KIF26B: variants seen among roughly 807,000 people sequenced by gnomAD.
KIF26B encodes kinesin-like protein KIF26B.
Under a neutral mutation model 151.2 loss-of-function variants are expected in KIF26B, and 63 were observed. The ratio of observed to expected loss-of-function variants is 0.42; its 90% CI spans 0.34 to 0.51. KIF26B has a LOEUF of 0.51. KIF26B is among the 20% of genes least tolerant of loss of function. The pLI is 0.07. For synonymous variants in KIF26B, 1,357 were observed against 1,262.1 expected (o/e 1.08, Z -1.59); for missense variants, 2,813 against 2,913.6 (o/e 0.97, Z 0.79).
chr1:245,258,632 C>T (rs1368074129), intron 2 of KIF26B, among the ~76,000 whole-genome samples: 1 of 152,164 alleles, frequency 6.6e-6, no homozygotes, highest in Non-Finnish European at 1.5e-5. Flanking sequence ...CTGCGTGGAG[C>T]TGTGGCGTCT....
At chr1:245,623,562 TC>T (rs1173421947) in intron 9 of KIF26B, among the ~76,000 whole-genome samples, 2 of 152,178 alleles carry the variant, frequency 1.3e-5, no homozygotes, top group African/African-American at 4.8e-5. Flanking sequence ...GCATCCCTAA[TC>T]TGAAAATTCG....
chr1:245,368,464 A>G (rs1158675092), intron 3 of KIF26B, among the ~76,000 whole-genome samples: 1 of 152,122 alleles, frequency 6.6e-6, no homozygotes, highest in East Asian at 1.9e-4. Context: ...TTACTCAGAG[A>G]AGATAGTTGG....
rs926263698 is a variant in KIF26B, at chr1:245,435,179, C to A, written c.1166+15434C>A. Among the ~76,000 whole-genome samples, 43 of 152,098 alleles carry A rather than the reference C, an allele frequency of 2.8e-4. 1 individual carries two copies. Among genetic ancestry groups the A allele is most frequent in the Non-Finnish European group, 4.4e-5 (3 of 68,018 alleles). On this transcript the variant is annotated intron_variant, in intron 4 of 14. Transcript: ENST00000407071. Reference sequence around the variant, plus strand: ...TCCATCCATCCATCCATCCACCCACCCAACCATCCAACAAGCATTTGGTAA... The same window carrying A: ...TCCATCCATCCATCCATCCACCCACACAACCATCCAACAAGCATTTGGTAA...
chr1:245,530,555 A>G (rs1661338545), intron 4 of KIF26B, among the ~76,000 whole-genome samples: 1 of 152,372 alleles, frequency 6.6e-6, no homozygotes, highest in South Asian at 2.1e-4. Flanking sequence ...ACTGGAGGTC[A>G]TTATGTTAAG....
At chr1:245,404,458 C>T (rs1768071) in intron 3 of KIF26B, among the ~76,000 whole-genome samples, 108,180 of 151,976 alleles carry the variant, frequency 0.71, 39,442 homozygotes, top group African/African-American at 0.88. Context: ...TCGCTGGTTC[C>T]GGTTTATTAG....
chr1:245,457,393 G>A (rs1044038035), intron 4 of KIF26B, among the ~76,000 whole-genome samples: 2 of 152,098 alleles, frequency 1.3e-5, no homozygotes, highest in Admixed American at 6.5e-5. Flanking sequence ...GACAAATATC[G>A]CAAATCAGAA....
chr1:245,707,496 C>T lies in KIF26B; in HGVS notation c.*4890C>T, dbSNP rs760590466. 1 of 152,216 alleles carries T rather than the reference C, an allele frequency of 6.6e-6. No individual in the cohort carries two copies. The highest frequency in any genetic ancestry group is 1.5e-5 in the Non-Finnish European group (1 of 68,046). 9.4% of individuals were successfully genotyped at this position (152,216 alleles called of 1,614,324 possible). On this transcript the variant is annotated 3_prime_UTR_variant, in exon 15 of 15. Coordinates refer to ENST00000407071, the MANE Select transcript of KIF26B (RefSeq NM_018012.4). ...CAGGATGTTGCTTTACAGCATTGCT[C>T]GTGTTCTCTCATTTACTTATTATGC...
At chr1:245,341,764 A>G (rs1200491505) in intron 2 of KIF26B, among the ~76,000 whole-genome samples, 2 of 152,176 alleles carry the variant, frequency 1.3e-5, no homozygotes, top group Non-Finnish European at 2.9e-5. Flanking sequence ...TAAAGCATCT[A>G]AATGATCTGT....
intron 4 of KIF26B, among the ~76,000 whole-genome samples, chr1:245,490,570 C>A (rs1255292643): frequency 6.6e-6 from 1 of 152,116 alleles, no homozygotes; most frequent in Non-Finnish European, 1.5e-5. Flanking sequence ...CTCAGCCACC[C>A]AAAGTGCTGG....
chr1:245,520,596 CCATCCACCCACCCACCCATCCAT>C (rs1558197315), intron 4 of KIF26B, among the ~76,000 whole-genome samples: 1,520 of 122,396 alleles, frequency 0.012, 16 homozygotes, highest in Non-Finnish European at 0.018. Flanking sequence ...ATCCATCCAT[CCATCCACCCACCCACCCATCCAT>C]CCATCCATCC....
chr1:245,179,997 C>G (rs1056635557), intron 2 of KIF26B, among the ~76,000 whole-genome samples: 1 of 152,180 alleles, frequency 6.6e-6, no homozygotes, highest in Non-Finnish European at 1.5e-5. Context: ...GGACCCCACC[C>G]CCTGCATCCT....
intron 3 of KIF26B, among the ~76,000 whole-genome samples, chr1:245,381,441 C>G (rs1340987356): frequency 6.6e-6 from 1 of 152,192 alleles, no homozygotes; most frequent in Non-Finnish European, 1.5e-5. Flanking sequence ...GAACGCAGCC[C>G]AACACGAGTT....
chr1:245,542,825 G>A (rs1301778169), intron 5 of KIF26B, among the ~76,000 whole-genome samples: 1 of 152,196 alleles, frequency 6.6e-6, no homozygotes, highest in Non-Finnish European at 1.5e-5. Flanking sequence ...TTGCAAAGAG[G>A]GATTTGGAAC....
At chr1:245,588,239 AC>A (rs1253301721) in intron 5 of KIF26B, among the ~76,000 whole-genome samples, 3 of 152,050 alleles carry the variant, frequency 2.0e-5, no homozygotes, top group Non-Finnish European at 4.4e-5. Flanking sequence ...TCCCTCCCTA[AC>A]CCCCATCTGA....
intron 9 of KIF26B, among the ~76,000 whole-genome samples, chr1:245,642,325 A>G (rs574184831): frequency 4.6e-5 from 7 of 152,090 alleles, no homozygotes; most frequent in Non-Finnish European, 5.9e-5. Flanking sequence ...GGCATGTGTT[A>G]CTCAGCAAGT....
Position 245,359,660 on chromosome 1 carries a change from C to CCTTCCTTCCTTCCT in KIF26B, c.466-7174_466-7173insCTTCCTTCCTTCCT, listed in dbSNP as rs1558402129. Among the ~76,000 whole-genome samples, 434 of 151,226 alleles carry CCTTCCTTCCTTCCT rather than the reference C, an allele frequency of 2.9e-3. 2 individuals are homozygous for CCTTCCTTCCTTCCT. Among genetic ancestry groups the CCTTCCTTCCTTCCT allele is most frequent in the African/African-American group, 0.01 (416 of 41,142 alleles). On this transcript the variant is annotated intron_variant, in intron 2 of 14. Transcript: ENST00000407071. ...CTTCCTTCCTTCCTTCATTCCTTCC[C>CCTTCCTTCCTTCCT]TCCTTCCCTCCTTTCCTTACTTCCC...
chr1:245,196,155 G>C (rs2103535296), intron 2 of KIF26B, among the ~76,000 whole-genome samples: 1 of 152,272 alleles, frequency 6.6e-6, no homozygotes, highest in South Asian at 2.1e-4. Flanking sequence ...CCTGTAGGAA[G>C]ACCCCGTTTA....
chr1:245,584,932 T>C (rs1034387070), intron 5 of KIF26B, among the ~76,000 whole-genome samples: 10 of 152,230 alleles, frequency 6.6e-5, no homozygotes, highest in Non-Finnish European at 1.5e-4. Flanking sequence ...ATTCTTTCTT[T>C]AGTTACTAGA....
In KIF26B at chr1:245,602,446, A is replaced by C; in HGVS notation, c.1351-131A>C. ...GGATGATGTTGCTAATTCACTGTGC[A>C]TTTCATCATAATTTATCCTGAGAAA... On this transcript the variant is annotated intron_variant, in intron 5 of 14. Coordinates refer to ENST00000407071, the MANE Select transcript of KIF26B (RefSeq NM_018012.4). The surrounding 1 kb of genome is among the most constrained non-coding windows in gnomAD (Gnocchi z 4.5). 1 of 688,080 alleles carries C rather than the reference A, an allele frequency of 1.5e-6. No homozygotes were observed. Among genetic ancestry groups the C allele is most frequent in the East Asian group, 2.7e-5 (1 of 36,780 alleles). The allele number at this position is 688,080 out of a possible 1,614,324, so 42.6% of individuals were successfully genotyped here.
Sources: allele counts gnomAD v4.1 joint callset (sites outside exome capture counted in the v4.1 genomes callset), GRCh38; gene constraint gnomAD v4.1.1; non-coding constraint Gnocchi (gnomAD v3.1); transcripts MANE v1.5; gene names NCBI Gene and HGNC (gene_info 2026-07-23, HGNC 2026-07-21).